TASOR: variants seen among roughly 807,000 people sequenced by gnomAD.
TASOR encodes the protein transcription activation suppressor.
TASOR carries 53 observed loss-of-function variants against 178.6 expected under a neutral mutation model. The ratio of observed to expected loss-of-function variants is 0.30; its 90% CI spans 0.24 to 0.37. The LOEUF is 0.37. TASOR is among the 10% of genes least tolerant of loss of function. The pLI, the probability that TASOR is intolerant of heterozygous loss-of-function variation, is 1.00. For missense variants in TASOR, 1,815 were observed against 1,971.4 expected, an observed-to-expected ratio of 0.92 and a Z score of 1.50; for synonymous variants, 713 against 696.2, an observed-to-expected ratio of 1.02 and a Z score of -0.38.
intron 11 of TASOR, among the ~76,000 whole-genome samples, chr3:56,658,985 C>T (rs950188391): frequency 2.7e-5 from 4 of 148,502 alleles, no homozygotes; most frequent in Admixed American, 1.3e-4. Flanking sequence ...TGTGTGCACG[C>T]GTGTGTGTTT....
intron 11 of TASOR, among the ~76,000 whole-genome samples, chr3:56,649,977 C>T (rs1475026053): frequency 1.3e-5 from 2 of 152,188 alleles, no homozygotes; most frequent in Non-Finnish European, 1.5e-5. Flanking sequence ...GCCAGGCTGG[C>T]CAGGAATGTC....
intron 7 of TASOR, 36 bp from the exon 8 acceptor site, chr3:56,663,608 CATT>C: frequency 7.7e-7 from 1 of 1,296,660 alleles, no homozygotes; most frequent in Non-Finnish European, 1.0e-6. Context: ...AAACATTACT[CATT>C]AGTATAATCA....
chr3:56,634,594 G>A (rs1201119262), intron 17 of TASOR, among the ~76,000 whole-genome samples: 1 of 152,146 alleles, frequency 6.6e-6, no homozygotes, highest in East Asian at 1.9e-4. Flanking sequence ...GACAAGAGAA[G>A]AACATATTTC....
intron 7 of TASOR, among the ~76,000 whole-genome samples, chr3:56,665,969 A>G (rs2029914728): frequency 6.6e-6 from 1 of 152,122 alleles, no homozygotes; most frequent in Non-Finnish European, 1.5e-5. Flanking sequence ...ACTCCATCTC[A>G]AAACAAACAA....
At chr3:56,681,120 A>G (rs990060463) in intron 1 of TASOR, among the ~76,000 whole-genome samples, 4 of 151,608 alleles carry the variant, frequency 2.6e-5, no homozygotes, top group African/African-American at 4.8e-5. Flanking sequence ...CGGTTTGTCC[A>G]TATTCTTAGG....
Position 56,621,549 on chromosome 3 carries a change from A to G in TASOR, c.*1488T>C, listed in dbSNP as rs752922575. ...GATTTCAGGGCCTTCTCCAGAAGCA[A>G]AAGGAGTTGGAAAGTAGTCTCCTGC... On this transcript the variant is annotated 3_prime_UTR_variant, in exon 24 of 24. Coordinates refer to ENST00000683822, the MANE Select transcript of TASOR (RefSeq NM_001365635.2). 3 of 1,597,100 alleles carry G rather than the reference A, an allele frequency of 1.9e-6. No homozygotes were observed. Among genetic ancestry groups the G allele is most frequent in the Non-Finnish European group, 2.6e-6 (3 of 1,172,338 alleles).
At chr3:56,626,979 T>TA in intron 21 of TASOR, 58 bp downstream of exon 21, 3 of 1,037,850 alleles carry the variant, frequency 2.9e-6, no homozygotes, top group Non-Finnish European at 4.4e-6. Context: ...AAGAGAGAAA[T>TA]ATTATGAGTA....
rs746598106 is a variant in TASOR, at chr3:56,648,863, T to C, written c.1472A>G (p.His491Arg). The C allele has an allele frequency of 8.1e-6, 13 of 1,612,414 alleles. No homozygotes were observed. The highest frequency in any genetic ancestry group is 4.5e-5 in the East Asian group (2 of 44,768). ...AGGTTCTTGAAATAGAAACAAAGCA[T>C]GTAGGACTCGAGACTTGGCAGTCTG... ...EYQTAKSRVL[H>R]ALFLFQEPRS... Residue 491 changes from histidine (H) to arginine (R), a missense_variant, in exon 13 of 24, where the codon CAT becomes CGT. Physicochemically the swap from His to Arg is conservative, Grantham distance 29. This residue lies in a region of TASOR where 504 missense variants were observed against 645.3 expected (regional missense o/e 0.78). Coordinates refer to ENST00000683822, the MANE Select transcript of TASOR (RefSeq NM_001365635.2).
intron 7 of TASOR, among the ~76,000 whole-genome samples, chr3:56,665,991 T>TA (rs1461894398): frequency 7.2e-5 from 11 of 152,090 alleles, no homozygotes; most frequent in Admixed American, 7.2e-4. Context: ...ACCTGCCACT[T>TA]ACTCAACTAC....
chr3:56,623,646 A>C, intron 23 of TASOR, 80 bp from the exon 24 acceptor site: 1 of 1,542,862 alleles, frequency 6.5e-7, no homozygotes, highest in Non-Finnish European at 8.7e-7. Flanking sequence ...CTACTCACAC[A>C]ATATAACGCG....
intron 18 of TASOR, among the ~76,000 whole-genome samples, chr3:56,630,620 C>T (rs1046241473): frequency 2.6e-5 from 4 of 152,080 alleles, no homozygotes; most frequent in Non-Finnish European, 4.4e-5. Context: ...AAGGCGGGCA[C>T]ATCACCTAAG....
chr3:56,649,267 A>G (rs2306931), intron 11 of TASOR, among the ~76,000 whole-genome samples: 7,460 of 152,264 alleles, frequency 0.049, 189 homozygotes, highest in East Asian at 0.091. Flanking sequence ...TTTTCATAAC[A>G]TTAATGAGAA....
At chr3:56,624,104 G>A (rs548916912) in intron 23 of TASOR, among the ~76,000 whole-genome samples, 2 of 152,236 alleles carry the variant, frequency 1.3e-5, no homozygotes, top group Non-Finnish European at 2.9e-5. Flanking sequence ...GGGAAATCTA[G>A]TAGCTCAATG....
At chr3:56,648,173 C>A (rs949431478) in intron 13 of TASOR, among the ~76,000 whole-genome samples, 1 of 152,038 alleles carries the variant, frequency 6.6e-6, no homozygotes, top group African/African-American at 2.4e-5. Context: ...CATGATCGCA[C>A]CACTGCCTGG....
intron 17 of TASOR, among the ~76,000 whole-genome samples, chr3:56,635,241 A>C (rs1211556116): frequency 6.6e-6 from 1 of 152,214 alleles, no homozygotes; most frequent in East Asian, 1.9e-4. Context: ...TTGTCAGCAC[A>C]GTGAAAAGAC....
chr3:56,654,387 CAGGGGTGGGCGGGGTTG>C (rs763471125), intron 11 of TASOR, among the ~76,000 whole-genome samples: 1 of 47,448 alleles, frequency 2.1e-5, no homozygotes, highest in Non-Finnish European at 3.2e-5. Context: ...AAAGCTGTGG[CAGGGGTGGGCGGGGTTG>C]GGGGGTGGTA....
intron 16 of TASOR, among the ~76,000 whole-genome samples, chr3:56,639,242 G>A (rs1019868185): frequency 2.6e-5 from 4 of 152,154 alleles, no homozygotes; most frequent in African/African-American, 9.7e-5. Flanking sequence ...GTTGTTTGCT[G>A]TTGCTATTGT....
intron 1 of TASOR, among the ~76,000 whole-genome samples, chr3:56,675,367 G>C (rs2031193825): frequency 6.6e-6 from 1 of 150,906 alleles, no homozygotes; most frequent in Non-Finnish European, 1.5e-5. Context: ...AGTAGATATG[G>C]GGTTTCACCA....
At chr3:56,634,086 AG>A in intron 17 of TASOR, 120 bp from the exon 18 acceptor site, 1 of 798,854 alleles carries the variant, frequency 1.3e-6, no homozygotes, top group African/African-American at 1.7e-5. Context: ...ATATATTAGA[AG>A]GTAAAATAAA....
Sources: allele counts gnomAD v4.1 joint callset (sites outside exome capture counted in the v4.1 genomes callset), GRCh38; gene constraint gnomAD v4.1.1; regional missense constraint gnomAD v4.1.1; transcripts MANE v1.5; gene names NCBI Gene and HGNC (gene_info 2026-07-23, HGNC 2026-07-21).